AHRR: variants seen among roughly 807,000 people sequenced by gnomAD.
The protein encoded by AHRR is aryl hydrocarbon receptor repressor.
Under a neutral mutation model 44.0 loss-of-function variants are expected in AHRR, and 28 were observed. That is an observed-to-expected ratio of 0.64 (90% CI 0.47 to 0.87). The LOEUF (loss-of-function observed/expected upper bound fraction) is 0.87. Among genes scored for constraint, AHRR ranks in the 40% least tolerant of loss-of-function variants. AHRR has a pLI of 0.00. For missense variants in AHRR, 990 were observed against 953.9 expected, an observed-to-expected ratio of 1.04 and a Z score of -0.50; for synonymous variants, 434 against 407.0, an observed-to-expected ratio of 1.07 and a Z score of -0.80.
rs746988770 is a variant in AHRR at position 427,966 on chromosome 5, G to A, written c.868G>A (p.Ala290Thr). The change falls in exon 8 of 11, where the codon GCA (alanine) becomes ACA (threonine). Residue 290 changes from alanine to threonine, a missense_variant. Ala to Thr is a moderately conservative substitution (Grantham distance 58). Transcript: ENST00000684583. Reference sequence around the variant, plus strand: ...GAAAATGAGGAGCGCGCTCCTGAGGGCAAAACCCAGAGCAGACACCGCAGC... The same window carrying A: ...GAAAATGAGGAGCGCGCTCCTGAGGACAAAACCCAGAGCAGACACCGCAGC... ...EMKMRSALLR[A>T]KPRADTAATA... The A allele has an allele frequency of 6.2e-7, 1 of 1,613,990 alleles. No homozygotes were observed. The highest frequency in any genetic ancestry group is 8.5e-7 in the Non-Finnish European group (1 of 1,180,020).
rs542004601 is a variant in AHRR at position 437,614 on chromosome 5, A to G, written c.*2780A>G. ...GCTTCTTCACCACGTCCTGCCCTGC[A>G]GCCTCCCAGACCTTTAGATGCGCCC... On this transcript the variant is annotated 3_prime_UTR_variant, in exon 11 of 11. Coordinates refer to ENST00000684583, the MANE Select transcript of AHRR (RefSeq NM_001377236.1). 6.6e-6 allele frequency: 1 copy of G among 152,582 alleles called. No individual in the cohort carries two copies. The highest frequency in any genetic ancestry group is 1.9e-4 in the East Asian group (1 of 5,258). The allele number at this position is 152,582 out of a possible 1,614,324, so 9.5% of individuals were successfully genotyped here.
chr5:428,548 C>T (rs911855180), intron 8 of AHRR, among the ~76,000 whole-genome samples: 1 of 152,206 alleles, frequency 6.6e-6, no homozygotes, highest in Non-Finnish European at 1.5e-5. Flanking sequence ...GGTCCCCGAG[C>T]TTGTTGGTAC....
rs1450642470 is a variant in AHRR at position 370,655 on chromosome 5, G to A, written c.245-5955G>A. On this transcript the variant is annotated intron_variant, in intron 3 of 10. Coordinates refer to ENST00000684583, the MANE Select transcript of AHRR (RefSeq NM_001377236.1). The surrounding 1 kb of genome is among the most constrained non-coding windows in gnomAD (Gnocchi z 4.5). ...GCCCATGGGAAGGTGTGGGTGATGG[G>A]GGGACAGTCCATGGGAAGGCACAGG... 1.3e-5 allele frequency among the ~76,000 whole-genome samples: 2 copies of A among 151,712 alleles called. No individual in the cohort carries two copies. The highest frequency in any genetic ancestry group is 2.9e-5 in the Non-Finnish European group (2 of 67,912).
At chr5:330,548 A>AT (rs1329871264) in intron 1 of AHRR, among the ~76,000 whole-genome samples, 2 of 152,064 alleles carry the variant, frequency 1.3e-5, no homozygotes. Context: ...TAATTTTTGC[A>AT]TTTTTAGTAG....
Position 376,611 on chromosome 5 carries a change from C to T in AHRR, c.246C>T (p.Val82=), listed in dbSNP as rs572863304. Residue 82 remains valine (V), a splice_region_variant and synonymous_variant, in exon 4 of 11, where the codon GTC becomes GTT. Transcript: ENST00000684583. ...AATGTGTCTTTTCTTCTCTGACAGT[C>T]GTGCAGGAGCAGAGCTCACGGCAGC... is the stretch of plus-strand genomic sequence containing the variant. ...SYLRVKSFFQ[V]VQEQSSRQPA... The T allele has an allele frequency of 1.7e-5, 20 of 1,163,886 alleles. No individual in the cohort carries two copies. Among genetic ancestry groups the T allele is most frequent in the South Asian group, 1.4e-4 (7 of 51,840 alleles). 72.1% of individuals were successfully genotyped at this position (1,163,886 alleles called of 1,614,324 possible).
intron 5 of AHRR, among the ~76,000 whole-genome samples, chr5:417,306 C>T (rs189507224): frequency 1.4e-4 from 21 of 147,114 alleles, no homozygotes; most frequent in South Asian, 4.3e-4. Flanking sequence ...GTGCAGGTCC[C>T]GAGTCTAGAG....
In AHRR at chr5:337,623, T is replaced by C. The variant is rs533993730; in HGVS notation, c.-10-6270T>C. Among the ~76,000 whole-genome samples, 1 of 152,336 alleles carries C rather than the reference T, an allele frequency of 6.6e-6. No individual in the cohort carries two copies. The highest frequency in any genetic ancestry group is 1.9e-4 in the East Asian group (1 of 5,182). ...TATTTTAAATTTTTTTTTATTTGAA[T>C]TGAGAAACTTTAATGTTAGGAAGTC... On this transcript the variant is annotated intron_variant, in intron 1 of 10. Coordinates refer to ENST00000684583, the MANE Select transcript of AHRR (RefSeq NM_001377236.1). The surrounding 1 kb of genome is among the most constrained non-coding windows in gnomAD (Gnocchi z 4.1).
At chr5:393,645 G>T (rs546427360) in intron 4 of AHRR, among the ~76,000 whole-genome samples, 13,587 of 149,096 alleles carry the variant, frequency 0.091, 1,937 homozygotes, top group African/African-American at 0.31. Flanking sequence ...GTTTTCTTTG[G>T]TTTTTTTTTT....
At chr5:396,544 G>A (rs184524112) in intron 4 of AHRR, among the ~76,000 whole-genome samples, 1 of 152,352 alleles carries the variant, frequency 6.6e-6, no homozygotes, top group Admixed American at 6.5e-5. Context: ...CTCCTGGCCT[G>A]GCATTTTCTG....
chr5:372,414 C>T (rs573738022), intron 3 of AHRR, among the ~76,000 whole-genome samples: 5 of 152,212 alleles, frequency 3.3e-5, no homozygotes, highest in African/African-American at 4.8e-5. Context: ...GTCCAGGCTG[C>T]GGTTTGGGTG....
intron 4 of AHRR, among the ~76,000 whole-genome samples, chr5:381,824 T>G (rs969636508): frequency 6.6e-6 from 1 of 151,238 alleles, no homozygotes; most frequent in Non-Finnish European, 1.5e-5. Flanking sequence ...TGCTTTTTTT[T>G]GTTTGTTTTG....
At chr5:417,964 ACGGCTTTAGGCGTATATTTTAG>A (rs1237303724) in intron 5 of AHRR, among the ~76,000 whole-genome samples, 1 of 152,238 alleles carries the variant, frequency 6.6e-6, no homozygotes, top group Non-Finnish European at 1.5e-5. Context: ...TGATGAATAA[ACGGCTTTAGGCGTATATTTTAG>A]TTGCCATTGA....
chr5:409,384 T>C (rs576392799), intron 4 of AHRR, among the ~76,000 whole-genome samples: 2 of 152,340 alleles, frequency 1.3e-5, no homozygotes, highest in South Asian at 4.1e-4. Flanking sequence ...AGATGTACAC[T>C]TGCCTTTATG....
At chr5:367,032 A>G (rs1188228690) in intron 3 of AHRR, among the ~76,000 whole-genome samples, 2 of 152,264 alleles carry the variant, frequency 1.3e-5, no homozygotes, top group Non-Finnish European at 1.5e-5. Context: ...ATCTGTGGAC[A>G]AGGGGTATCT....
At chr5:400,048 G>A (rs1010419221) in intron 4 of AHRR, among the ~76,000 whole-genome samples, 2 of 151,914 alleles carry the variant, frequency 1.3e-5, no homozygotes, top group Non-Finnish European at 2.9e-5. Flanking sequence ...ACGCCCGCCC[G>A]GTGCCCGCTC....
At chr5:360,452 G>A (rs2126406917) in intron 3 of AHRR, among the ~76,000 whole-genome samples, 1 of 152,366 alleles carries the variant, frequency 6.6e-6, no homozygotes, top group Non-Finnish European at 1.5e-5. Flanking sequence ...ATGTGGAAGT[G>A]ACTTGCAGCT....
rs913920647 is a variant in AHRR, at chr5:432,665, T to C, written c.970+141T>C. 7.2e-5 allele frequency: 109 copies of C among 1,507,022 alleles called. 1 individual carries two copies. In the South Asian group the frequency reaches 8.5e-4, roughly 12 times the overall value. The allele number at this position is 1,507,022 out of a possible 1,614,324, so 93.4% of individuals were successfully genotyped here. On this transcript the variant is annotated intron_variant, in intron 9 of 10. Coordinates refer to ENST00000684583, the MANE Select transcript of AHRR (RefSeq NM_001377236.1). ...CAGAGACTTGGTGTCTGTCCTGCTG[T>C]GGACAAGTGCCGTTCCTGGGCTCTG...
intron 4 of AHRR, among the ~76,000 whole-genome samples, chr5:390,299 A>G (rs2672741): frequency 0.14 from 21,281 of 152,178 alleles, 1,653 homozygotes; most frequent in African/African-American, 0.17. Context: ...AACATCTCAG[A>G]CACGCCATAA....
intron 4 of AHRR, among the ~76,000 whole-genome samples, chr5:400,558 TA>T (rs999023959): frequency 5.4e-5 from 8 of 149,296 alleles, no homozygotes; most frequent in East Asian, 2.0e-4. Flanking sequence ...GGACCACGTT[TA>T]AAAAAAAAAC....
Sources: gnomAD v4.1 joint callset for allele counts (sites outside exome capture counted in the v4.1 genomes callset) on GRCh38, gnomAD v4.1.1 for gene constraint, Gnocchi (gnomAD v3.1) non-coding constraint, MANE v1.5 for transcripts, NCBI Gene and HGNC (gene_info 2026-07-23, HGNC 2026-07-21) for gene names.